Variants in NEK10 observed in about 807,000 individuals in gnomAD.
NEK10 encodes the protein NIMA related kinase 10.
A neutral mutation model predicts 159.8 loss-of-function variants in NEK10; 122 were observed. The ratio of observed to expected loss-of-function variants is 0.76; its 90% CI spans 0.66 to 0.89. The LOEUF (loss-of-function observed/expected upper bound fraction) is 0.89, where lower values mean the gene tolerates loss of function less well. NEK10 is among the 40% of genes least tolerant of loss of function. NEK10 has a pLI of 0.00. For synonymous variants in NEK10, 466 were observed against 457.1 expected (o/e 1.02, Z -0.25); for missense variants, 1,342 against 1,323.1 (o/e 1.01, Z -0.22).
At chr3:27,317,673 C>T (rs1047639431) in intron 6 of NEK10, among the ~76,000 whole-genome samples, 2 of 152,140 alleles carry the variant, frequency 1.3e-5, no homozygotes, top group Non-Finnish European at 1.5e-5. Flanking sequence ...CCTAAGCCTA[C>T]GTGGCAACTA....
chr3:27,139,996 G>A (rs1943625580), intron 31 of NEK10, among the ~76,000 whole-genome samples: 1 of 152,120 alleles, frequency 6.6e-6, no homozygotes, highest in South Asian at 2.1e-4. Flanking sequence ...AGTTGTCAGG[G>A]GCCAACTGAC....
chr3:27,287,562 A>G (rs572292569), intron 20 of NEK10, 136 bp downstream of exon 20: 5 of 830,116 alleles, frequency 6.0e-6, no homozygotes, highest in Non-Finnish European at 7.1e-6. Context: ...GTGATGCTTA[A>G]GACCATCTAC....
At chr3:27,345,336 T>C (rs1464153856) in intron 4 of NEK10, among the ~76,000 whole-genome samples, 1 of 152,200 alleles carries the variant, frequency 6.6e-6, no homozygotes, top group African/African-American at 2.4e-5. Flanking sequence ...ATTTAAGTGT[T>C]CCTCACTAAA....
chr3:27,219,044 C>A (rs1951835174), intron 23 of NEK10, among the ~76,000 whole-genome samples: 1 of 152,220 alleles, frequency 6.6e-6, no homozygotes, highest in Admixed American at 6.5e-5. Flanking sequence ...AGTGCGTATG[C>A]CTTAGAAAAT....
chr3:27,214,945 C>G (rs1486595508), intron 23 of NEK10: 1 of 898,272 alleles, frequency 1.1e-6, no homozygotes, highest in Non-Finnish European at 1.9e-6. Flanking sequence ...AATTCCTAAT[C>G]CAAAACCAGT....
At chr3:27,361,062 C>G (rs969747858) in intron 1 of NEK10, among the ~76,000 whole-genome samples, 1 of 152,156 alleles carries the variant, frequency 6.6e-6, no homozygotes, top group African/African-American at 2.4e-5. Flanking sequence ...TTTCATTTTC[C>G]TCTGGCTAAT....
At chr3:27,138,651 G>A (rs1943467982) in intron 31 of NEK10, among the ~76,000 whole-genome samples, 1 of 152,172 alleles carries the variant, frequency 6.6e-6, no homozygotes, top group Non-Finnish European at 1.5e-5. Context: ...ACAGATACAG[G>A]TTTTAGGAAT....
chr3:27,267,273 G>A (rs1190956367), intron 22 of NEK10, among the ~76,000 whole-genome samples: 1 of 152,106 alleles, frequency 6.6e-6, no homozygotes, highest in Non-Finnish European at 1.5e-5. Flanking sequence ...TTGAGGAGAG[G>A]GGCTGTCTTA....
intron 23 of NEK10, 21 bp downstream of exon 23, chr3:27,256,275 C>A: frequency 1.7e-6 from 2 of 1,192,062 alleles, no homozygotes; most frequent in South Asian, 3.3e-5. Flanking sequence ...TGTTTGAGAG[C>A]CATAAAAGAA....
chr3:27,171,433 C>T (rs764090544), intron 29 of NEK10, among the ~76,000 whole-genome samples: 33 of 152,000 alleles, frequency 2.2e-4, no homozygotes, highest in Non-Finnish European at 3.8e-4. Context: ...AGGTAGGATG[C>T]GGTCTCATAA....
At position 27,202,676 on chromosome 3, in the gene NEK10, C is replaced by G; in HGVS notation, c.2091-119G>C. ...GTATCTGAAATGTTTAACTTAATCA[C>G]TATTTCAGGAAAGGATATCAAAAAG... On this transcript the variant is annotated intron_variant, in intron 23 of 35. Coordinates refer to ENST00000691995, the MANE Select transcript of NEK10 (RefSeq NM_001394966.1). 3 of 1,258,772 alleles carry G rather than the reference C, an allele frequency of 2.4e-6. No homozygotes were observed. In the South Asian group the frequency reaches 6.3e-5, roughly 26 times the overall value. 78.0% of individuals were successfully genotyped at this position (1,258,772 alleles called of 1,614,324 possible). A position where few individuals can be genotyped will look rare whatever the true frequency, so the allele number is the denominator to read the frequency against.
chr3:27,257,611 C>T (rs6551185), intron 22 of NEK10, among the ~76,000 whole-genome samples: 19,677 of 152,004 alleles, frequency 0.13, 3,124 homozygotes, highest in African/African-American at 0.38. Flanking sequence ...ACATGAATTG[C>T]CTCATTTAAC....
chr3:27,314,234 A>C, intron 7 of NEK10, 63 bp downstream of exon 7: 2 of 1,186,330 alleles, frequency 1.7e-6, no homozygotes, highest in East Asian at 2.5e-5. Flanking sequence ...TACCCTTTTA[A>C]TTCTTGCTCA....
At chr3:27,346,328 T>C in intron 3 of NEK10, 112 bp from the exon 4 acceptor site, 1 of 1,108,978 alleles carries the variant, frequency 9.0e-7, no homozygotes, top group Non-Finnish European at 1.3e-6. Context: ...GGCCAATAAT[T>C]AAGATAACAA....
chr3:27,282,548 ATATATATATATACATAACTGTGT>A (rs1575579695), intron 22 of NEK10, among the ~76,000 whole-genome samples: 48 of 100,504 alleles, frequency 4.8e-4, no homozygotes, highest in Non-Finnish European at 7.0e-4. Context: ...TTATATATAT[ATATATATATATACATAACTGTGT>A]TATATATATA....
intron 16 of NEK10, among the ~76,000 whole-genome samples, chr3:27,291,981 T>C (rs2149493300): frequency 6.6e-6 from 1 of 152,246 alleles, no homozygotes; most frequent in East Asian, 1.9e-4. Flanking sequence ...CACTGATTAA[T>C]TACATGAAAC....
rs569792675 is a variant in NEK10 at position 27,202,260 on chromosome 3, G to A, written c.2220+168C>T. Among the ~76,000 whole-genome samples the A allele has an allele frequency of 1.4e-4, 21 of 152,212 alleles. 1 individual carries two copies. The highest frequency in any genetic ancestry group is 8.3e-4 in the South Asian group (4 of 4,816). ...TAGAGGGAAATAAGCCATTACATGA[G>A]ATATATATTTAGAAGAAAGCGGAAA... On this transcript the variant is annotated intron_variant, in intron 24 of 35. Coordinates refer to ENST00000691995, the MANE Select transcript of NEK10 (RefSeq NM_001394966.1).
intron 16 of NEK10, 131 bp downstream of exon 16, chr3:27,293,457 A>G: frequency 4.0e-6 from 2 of 498,314 alleles, no homozygotes; most frequent in Middle Eastern, 5.3e-4. Flanking sequence ...GAAATAAGAA[A>G]TCTGAAGACA....
chr3:27,283,325 G>A (rs934664815), intron 22 of NEK10, among the ~76,000 whole-genome samples: 1 of 152,044 alleles, frequency 6.6e-6, no homozygotes, highest in African/African-American at 2.4e-5. Flanking sequence ...CAACCCAATG[G>A]GAGTAGGGGC....
Sources: gnomAD v4.1 joint callset for allele counts (sites outside exome capture counted in the v4.1 genomes callset) on GRCh38, gnomAD v4.1.1 for gene constraint, MANE v1.5 for transcripts, NCBI Gene and HGNC (gene_info 2026-07-23, HGNC 2026-07-21) for gene names.